Variants in INPP4B observed in about 807,000 individuals in gnomAD.
INPP4B encodes inositol polyphosphate 4-phosphatase type II.
In INPP4B, 55 loss-of-function variants were observed where a neutral mutation model predicts 122.5. The observed-to-expected ratio is 0.45, with a 90% CI of 0.36 to 0.56. The LOEUF is 0.56. Ranked by LOEUF, INPP4B falls within the 20% of genes least tolerant of loss-of-function variation. The pLI is 0.00. For synonymous variants in INPP4B, 403 were observed against 388.7 expected (o/e 1.04, Z -0.43); for missense variants, 1,000 against 1,097.7 (o/e 0.91, Z 1.26).
intron 2 of INPP4B, among the ~76,000 whole-genome samples, chr4:142,509,320 C>CT (rs1229956849): frequency 6.6e-6 from 1 of 152,124 alleles, no homozygotes; most frequent in Non-Finnish European, 1.5e-5. Context: ...TGGTGGTTTG[C>CT]TGCACCCATC....
At chr4:142,421,067 T>C (rs544724272) in intron 5 of INPP4B, among the ~76,000 whole-genome samples, 1 of 152,268 alleles carries the variant, frequency 6.6e-6, no homozygotes, top group African/African-American at 2.4e-5. Flanking sequence ...TAATGCCTTA[T>C]AGCTATAGAG....
At chr4:142,773,688 T>C (rs1773432145) in intron 1 of INPP4B, among the ~76,000 whole-genome samples, 1 of 152,202 alleles carries the variant, frequency 6.6e-6, no homozygotes, top group Non-Finnish European at 1.5e-5. Context: ...GGTTCTGTAA[T>C]TTTTTAAAGC....
rs1739366202 is a variant in INPP4B, at chr4:142,260,486, A to G, written c.688+6T>C. On this transcript the variant is annotated splice_donor_region_variant and intron_variant, in intron 11 of 25. Transcript: ENST00000262992. ...GAAACTAAGTATTTAAAACTGAGTT[A>G]CATACCTGAATTCAAAAAAGGTAAG... The G allele has an allele frequency of 6.4e-7, 1 of 1,562,518 alleles. No homozygotes were observed. Among genetic ancestry groups the G allele is most frequent in the Non-Finnish European group, 8.8e-7 (1 of 1,134,472 alleles).
intron 2 of INPP4B, among the ~76,000 whole-genome samples, chr4:142,570,722 T>A (rs1194639571): frequency 6.6e-6 from 1 of 151,978 alleles, no homozygotes; most frequent in Non-Finnish European, 1.5e-5. Context: ...TTTACAGACC[T>A]CAGATGAACT....
At chr4:142,173,440 A>G (rs1226182674) in intron 16 of INPP4B, among the ~76,000 whole-genome samples, 192 bp downstream of exon 16, 2 of 151,272 alleles carry the variant, frequency 1.3e-5, no homozygotes, top group African/African-American at 4.9e-5. Context: ...AAAAAAAAAG[A>G]GTGCTCAGTA....
intron 9 of INPP4B, among the ~76,000 whole-genome samples, chr4:142,274,071 A>G (rs1388248883): frequency 6.6e-6 from 1 of 151,744 alleles, no homozygotes; most frequent in Non-Finnish European, 1.5e-5. Flanking sequence ...AAGATTTAGG[A>G]AAAAAAATTC....
chr4:142,274,457 A>G (rs909759551), intron 9 of INPP4B, among the ~76,000 whole-genome samples: 2 of 151,744 alleles, frequency 1.3e-5, no homozygotes, highest in Non-Finnish European at 3.0e-5. Flanking sequence ...CTCAACAAAA[A>G]TCTCAGGTCA....
chr4:142,765,707 C>G (rs6831541), intron 1 of INPP4B, among the ~76,000 whole-genome samples: 2,081 of 152,250 alleles, frequency 0.014, 43 homozygotes, highest in African/African-American at 0.048. Context: ...CAGTTGACAA[C>G]ATAGTATGCC....
chr4:142,777,578 T>C (rs1774125778), intron 1 of INPP4B, among the ~76,000 whole-genome samples: 1 of 152,208 alleles, frequency 6.6e-6, no homozygotes, highest in African/African-American at 2.4e-5. Context: ...CCCAACCTCC[T>C]GACCCACAGA....
At chr4:142,328,605 A>C (rs1773323288) in intron 7 of INPP4B, among the ~76,000 whole-genome samples, 1 of 152,224 alleles carries the variant, frequency 6.6e-6, no homozygotes, top group African/African-American at 2.4e-5. Flanking sequence ...GATTTACAAA[A>C]ATATAAAACA....
At chr4:142,242,644 C>A (rs1860033122) in intron 11 of INPP4B, among the ~76,000 whole-genome samples, 1 of 152,196 alleles carries the variant, frequency 6.6e-6, no homozygotes, top group Admixed American at 6.5e-5. Context: ...CTGATCAAGG[C>A]ATTCCATGCA....
At chr4:142,240,505 A>G (rs1858826003) in intron 11 of INPP4B, among the ~76,000 whole-genome samples, 1 of 152,170 alleles carries the variant, frequency 6.6e-6, no homozygotes, top group Non-Finnish European at 1.5e-5. Context: ...TGCTATTTAT[A>G]AAGAAAATAC....
chr4:142,702,662 G>A (rs929008341), intron 2 of INPP4B, among the ~76,000 whole-genome samples: 11 of 149,646 alleles, frequency 7.4e-5, no homozygotes, highest in South Asian at 2.1e-4. Context: ...CCTGGGAGGC[G>A]GAGGTTGCGG....
chr4:142,545,190 T>G (rs947258876), intron 2 of INPP4B, among the ~76,000 whole-genome samples: 1 of 152,180 alleles, frequency 6.6e-6, no homozygotes, highest in Non-Finnish European at 1.5e-5. Flanking sequence ...TTATATTAGT[T>G]CAAGACACAA....
At chr4:142,637,571 T>C (rs1560900554) in intron 2 of INPP4B, among the ~76,000 whole-genome samples, 1 of 152,242 alleles carries the variant, frequency 6.6e-6, no homozygotes, top group Admixed American at 6.5e-5. Flanking sequence ...TGTCTGAATA[T>C]GCCACAGTTT....
chr4:142,698,358 CCTTCCAGTGTTATT>C (rs1761284630), intron 2 of INPP4B, among the ~76,000 whole-genome samples: 1 of 151,540 alleles, frequency 6.6e-6, no homozygotes, highest in African/African-American at 2.4e-5. Context: ...CACCATTTCT[CCTTCCAGTGTTATT>C]CTTGTCATAA....
At chr4:142,206,548 T>C (rs1842675328) in intron 14 of INPP4B, among the ~76,000 whole-genome samples, 1 of 151,964 alleles carries the variant, frequency 6.6e-6, no homozygotes, top group African/African-American at 2.4e-5. Flanking sequence ...AACAATAAAG[T>C]TTAATTTTTC....
chr4:142,487,090 T>C (rs1560713196), intron 2 of INPP4B, among the ~76,000 whole-genome samples: 1 of 152,156 alleles, frequency 6.6e-6, no homozygotes, highest in Non-Finnish European at 1.5e-5. Context: ...CTCATGATAG[T>C]GAATAAGTCT....
intron 11 of INPP4B, among the ~76,000 whole-genome samples, chr4:142,254,577 G>A (rs111561899): frequency 0.057 from 8,691 of 152,184 alleles, 859 homozygotes; most frequent in African/African-American, 0.2. Flanking sequence ...CATGAGCCGA[G>A]GAGATCAACT....
Sources: allele counts gnomAD v4.1 joint callset (sites outside exome capture counted in the v4.1 genomes callset), GRCh38; gene constraint gnomAD v4.1.1; transcripts MANE v1.5; gene names NCBI Gene and HGNC (gene_info 2026-07-23, HGNC 2026-07-21).